PCDH15: variants seen among roughly 807,000 people sequenced by gnomAD.
PCDH15 encodes protocadherin related 15.
In PCDH15, 129 loss-of-function variants were observed where a neutral mutation model predicts 178.5. The ratio of observed to expected loss-of-function variants is 0.72; its 90% confidence interval spans 0.63 to 0.84. PCDH15 has a LOEUF of 0.84. Among genes scored for constraint, PCDH15 ranks in the 40% least tolerant of loss-of-function variants. The probability of loss-of-function intolerance (pLI) is 0.00; values close to 1 mark genes in which losing one functional copy is unlikely to be tolerated. For synonymous variants in PCDH15, 800 were observed against 732.0 expected, an observed-to-expected ratio of 1.09 and a Z score of -1.50; for missense variants, 2,230 against 2,099.9, an observed-to-expected ratio of 1.06 and a Z score of -1.21.
intron 14 of PCDH15, among the ~76,000 whole-genome samples, chr10:54,138,040 A>G (rs2043046578): frequency 6.6e-6 from 1 of 152,138 alleles, no homozygotes. Flanking sequence ...GAAATTTGAC[A>G]TCTGCACCCG....
chr10:54,501,829 T>C (rs1475829962), intron 3 of PCDH15, among the ~76,000 whole-genome samples: 1 of 152,082 alleles, frequency 6.6e-6, no homozygotes, highest in Non-Finnish European at 1.5e-5. Flanking sequence ...CATATTAGTC[T>C]ATGGCTTGGT....
chr10:54,377,462 G>A (rs949452631), intron 4 of PCDH15, among the ~76,000 whole-genome samples: 3 of 152,124 alleles, frequency 2.0e-5, no homozygotes, highest in Non-Finnish European at 2.9e-5. Context: ...TAAAAGCACT[G>A]TGGCAGCAGG....
At chr10:54,930,135 TTGCCAACCACGTG>T (rs1837735103) in intron 2 of PCDH15, among the ~76,000 whole-genome samples, 1 of 152,156 alleles carries the variant, frequency 6.6e-6, no homozygotes, top group African/African-American at 2.4e-5. Context: ...TTCCTTTTCC[TTGCCAACCACGTG>T]TACAGTAAGG....
At chr10:55,494,769 T>G in intron 2 of PCDH15, among the ~76,000 whole-genome samples, 1 of 151,856 alleles carries the variant, frequency 6.6e-6, no homozygotes, top group South Asian at 2.1e-4. Context: ...TAGCATAAAC[T>G]TTTATAAGTT....
chr10:53,827,233 C>G lies in PCDH15; in HGVS notation c.4367+160G>C, dbSNP rs2076738026. Among the ~76,000 whole-genome samples the G allele has an allele frequency of 2.0e-5, 3 of 151,964 alleles. No homozygotes were observed. In the South Asian group the frequency reaches 6.2e-4, roughly 31 times the overall value. ...TTTGGCTATTATTTTTCAACTTAAC[C>G]TTTCTTAGATTTTCGTCTTAACAAA... On this transcript the variant is annotated intron_variant, in intron 32 of 37. Transcript: ENST00000644397.
intron 2 of PCDH15, among the ~76,000 whole-genome samples, chr10:55,113,087 C>A (rs796284986): frequency 5.0e-4 from 76 of 152,262 alleles, no homozygotes; most frequent in African/African-American, 1.7e-3. Context: ...CATGCTGGCA[C>A]CCTTATCTCA....
At chr10:53,885,310 G>T (rs1228178646) in intron 26 of PCDH15, among the ~76,000 whole-genome samples, 2 of 151,710 alleles carry the variant, frequency 1.3e-5, no homozygotes, top group African/African-American at 4.8e-5. Context: ...TTTCCACTTA[G>T]CAGATGTACA....
chr10:54,646,212 C>G (rs896480260), intron 2 of PCDH15, among the ~76,000 whole-genome samples: 4 of 152,020 alleles, frequency 2.6e-5, no homozygotes, highest in African/African-American at 7.2e-5. Context: ...TACTACACTC[C>G]CACTTTCGCA....
chr10:55,320,313 TC>T (rs1397770223), upstream of PCDH15, among the ~76,000 whole-genome samples: 1 of 151,914 alleles, frequency 6.6e-6, no homozygotes, highest in Admixed American at 6.6e-5. Flanking sequence ...CTCTGCTGCC[TC>T]CCTCAGCACC....
chr10:55,283,935 C>G (rs1247748859), intron 1 of PCDH15, among the ~76,000 whole-genome samples: 1 of 151,494 alleles, frequency 6.6e-6, no homozygotes, highest in African/African-American at 2.4e-5. Flanking sequence ...ACTATTTGTT[C>G]TGTAAACTAT....
At chr10:55,277,894 G>A (rs959631900) in intron 1 of PCDH15, among the ~76,000 whole-genome samples, 1 of 152,036 alleles carries the variant, frequency 6.6e-6, no homozygotes, top group African/African-American at 2.4e-5. Flanking sequence ...CTTGAAATAT[G>A]TCTTTTCTGA....
chr10:54,398,581 T>G (rs913694323), intron 3 of PCDH15, among the ~76,000 whole-genome samples: 1 of 152,018 alleles, frequency 6.6e-6, no homozygotes, highest in Non-Finnish European at 1.5e-5. Flanking sequence ...ACCTTCAATT[T>G]TAGACCAAGG....
chr10:54,088,004 T>C (rs1327811935), intron 16 of PCDH15, among the ~76,000 whole-genome samples: 1 of 152,140 alleles, frequency 6.6e-6, no homozygotes, highest in Non-Finnish European at 1.5e-5. Flanking sequence ...TTAAGTTTCC[T>C]GAGGCTTCCC....
At chr10:54,833,964 A>G (rs1182894887) in intron 3 of PCDH15, among the ~76,000 whole-genome samples, 2 of 152,106 alleles carry the variant, frequency 1.3e-5, no homozygotes, top group African/African-American at 4.8e-5. Context: ...TTTAACAATA[A>G]TATGATCAAA....
chr10:55,063,243 A>G (rs549455850), intron 2 of PCDH15, among the ~76,000 whole-genome samples: 1 of 152,256 alleles, frequency 6.6e-6, no homozygotes, highest in East Asian at 1.9e-4. Flanking sequence ...CTACAACTTA[A>G]AAAACCTGGA....
chr10:54,134,817 T>G (rs2042762151), intron 14 of PCDH15, among the ~76,000 whole-genome samples: 1 of 151,790 alleles, frequency 6.6e-6, no homozygotes, highest in Non-Finnish European at 1.5e-5. Context: ...TTATAGCTTG[T>G]CACTTTATAA....
chr10:53,886,592 CCTCTTTT>C (rs2133401291), intron 26 of PCDH15, among the ~76,000 whole-genome samples: 1 of 122,342 alleles, frequency 8.2e-6, no homozygotes, highest in Non-Finnish European at 1.6e-5. Context: ...CACATGTATG[CCTCTTTT>C]TTTTTTTTTT....
intron 2 of PCDH15, among the ~76,000 whole-genome samples, chr10:54,994,927 T>C (rs1039540950): frequency 6.6e-6 from 1 of 152,212 alleles, no homozygotes; most frequent in Non-Finnish European, 1.5e-5. Context: ...AACAAAATAG[T>C]AATATCATAA....
At chr10:53,916,187 T>A (rs2083513748) in intron 25 of PCDH15, among the ~76,000 whole-genome samples, 1 of 152,220 alleles carries the variant, frequency 6.6e-6, no homozygotes, top group Non-Finnish European at 1.5e-5. Flanking sequence ...AACCATCCAT[T>A]TCTTTTCTGA....
Sources: allele counts gnomAD v4.1 joint callset (sites outside exome capture counted in the v4.1 genomes callset), GRCh38; gene constraint gnomAD v4.1.1; transcripts MANE v1.5; gene names NCBI Gene and HGNC (gene_info 2026-07-23, HGNC 2026-07-21).